Variants in GABBR2 observed in about 807,000 individuals in gnomAD.
GABBR2 encodes G-protein coupled receptor 51.
GABBR2 carries 23 observed loss-of-function variants against 105.6 expected under a neutral mutation model. That is an observed-to-expected ratio of 0.22 (90% CI 0.16 to 0.31). GABBR2 has a LOEUF of 0.31. GABBR2 is among the 10% of genes least tolerant of loss of function. The probability of loss-of-function intolerance (pLI) is 1.00; values close to 1 mark genes in which losing one functional copy is unlikely to be tolerated. For synonymous variants in GABBR2, 478 were observed against 499.7 expected (o/e 0.96, Z 0.58); for missense variants, 734 against 1,245.5 (o/e 0.59, Z 6.18).
At chr9:98,647,940 T>C (rs1363400625) in intron 1 of GABBR2, among the ~76,000 whole-genome samples, 1 of 151,066 alleles carries the variant, frequency 6.6e-6, no homozygotes, top group African/African-American at 2.4e-5. Context: ...GAAATGGTCA[T>C]TATTTGTTAA....
intron 2 of GABBR2, among the ~76,000 whole-genome samples, chr9:98,564,076 G>A (rs1276136002): frequency 6.6e-6 from 1 of 152,202 alleles, no homozygotes; most frequent in African/African-American, 2.4e-5. Context: ...AAAGTGCTAT[G>A]TATGCATGTG....
intron 12 of GABBR2, among the ~76,000 whole-genome samples, chr9:98,365,737 A>G (rs1046836976): frequency 6.6e-6 from 1 of 152,230 alleles, no homozygotes; most frequent in Admixed American, 6.5e-5. Context: ...TGAAAATTAT[A>G]CAAGTACACC....
chr9:98,560,086 G>T (rs2131759693), intron 2 of GABBR2, among the ~76,000 whole-genome samples: 1 of 151,936 alleles, frequency 6.6e-6, no homozygotes, highest in South Asian at 2.1e-4. Flanking sequence ...TATAAGGATG[G>T]CATGGAACAG....
rs1032584273 is a variant in GABBR2 at position 98,478,717 on chromosome 9, G to A, written c.798+2215C>T. On this transcript the variant is annotated intron_variant, in intron 5 of 18. Transcript: ENST00000259455. ...GCCACTTGGAAACTCACCCCAGTGC[G>A]TGGCAGAGTGAGATCACAGTCACAC... Among the ~76,000 whole-genome samples the A allele has an allele frequency of 3.3e-5, 5 of 152,236 alleles. No homozygotes were observed. The South Asian group carries it at 6.2e-4, about 19-fold the overall frequency.
chr9:98,429,003 T>C (rs1211561210), intron 7 of GABBR2, among the ~76,000 whole-genome samples: 4 of 152,154 alleles, frequency 2.6e-5, no homozygotes, highest in Non-Finnish European at 1.5e-5. Flanking sequence ...TCTGGGTAGG[T>C]TGGCAAAGAC....
intron 1 of GABBR2, among the ~76,000 whole-genome samples, chr9:98,650,874 G>A (rs190180476): frequency 7.2e-5 from 11 of 152,252 alleles, no homozygotes; most frequent in Admixed American, 3.3e-4. Flanking sequence ...ATTCAAATTC[G>A]TAGGGACAGG....
intron 3 of GABBR2, chr9:98,516,226 AAAG>A (rs1216541605): frequency 6.6e-6 from 1 of 152,312 alleles, no homozygotes; most frequent in African/African-American, 2.4e-5. Context: ...AATGGTAATA[AAAG>A]AAGGAGACAA....
chr9:98,591,496 G>A (rs544926692), intron 1 of GABBR2, among the ~76,000 whole-genome samples: 1 of 152,328 alleles, frequency 6.6e-6, no homozygotes, highest in South Asian at 2.1e-4. Context: ...AGATGCCTCT[G>A]GCAGCTGGGG....
intron 5 of GABBR2, among the ~76,000 whole-genome samples, chr9:98,475,986 C>T (rs1826785751): frequency 6.6e-6 from 1 of 152,116 alleles, no homozygotes. Flanking sequence ...ATTGCTTGAA[C>T]CTGGGAGGCA....
At chr9:98,616,664 G>T (rs947485524) in intron 1 of GABBR2, among the ~76,000 whole-genome samples, 1 of 151,556 alleles carries the variant, frequency 6.6e-6, no homozygotes, top group Admixed American at 6.6e-5. Context: ...TGAGGCAGGA[G>T]AATCGCTTGA....
chr9:98,377,184 G>C (rs1410801051), intron 11 of GABBR2, among the ~76,000 whole-genome samples: 1 of 146,322 alleles, frequency 6.8e-6, no homozygotes, highest in Non-Finnish European at 1.5e-5. Context: ...GGAGGTTGGG[G>C]AGCTTTTTGG....
chr9:98,612,003 AC>A (rs1564130600), intron 1 of GABBR2, among the ~76,000 whole-genome samples: 1 of 152,206 alleles, frequency 6.6e-6, no homozygotes, highest in South Asian at 2.1e-4. Flanking sequence ...GTCTATCCAA[AC>A]CCATCTTTGA....
chr9:98,292,364 T>C (rs1394384329), intron 18 of GABBR2, among the ~76,000 whole-genome samples: 1 of 152,226 alleles, frequency 6.6e-6, no homozygotes, highest in Non-Finnish European at 1.5e-5. Context: ...CTGGAATTCT[T>C]GCTGCTTCTG....
chr9:98,500,372 G>C (rs1161179657), intron 3 of GABBR2, among the ~76,000 whole-genome samples: 1 of 152,198 alleles, frequency 6.6e-6, no homozygotes, highest in East Asian at 1.9e-4. Context: ...GGAGAGATGG[G>C]TAATGATGGG....
intron 9 of GABBR2, among the ~76,000 whole-genome samples, chr9:98,391,159 T>C (rs1003374389): frequency 2.6e-5 from 4 of 152,074 alleles, no homozygotes; most frequent in Non-Finnish European, 5.9e-5. Flanking sequence ...GATACAAAGA[T>C]GAAAAATACA....
intron 1 of GABBR2, among the ~76,000 whole-genome samples, chr9:98,675,329 C>G (rs539929695): frequency 2.4e-4 from 36 of 152,104 alleles, no homozygotes; most frequent in Admixed American, 5.2e-4. Flanking sequence ...AGGTGAACGG[C>G]TGTGGCAGGT....
chr9:98,300,441 GGCCC>G (rs1446773655), intron 16 of GABBR2, among the ~76,000 whole-genome samples: 1 of 152,148 alleles, frequency 6.6e-6, no homozygotes, highest in Non-Finnish European at 1.5e-5. Context: ...CACAGCACCT[GGCCC>G]ATTCCCAGGT....
At position 98,385,834 on chromosome 9, in the gene GABBR2, G is replaced by A. The variant is rs745958786; in HGVS notation, c.1530-62C>T. 8 of 1,381,612 alleles carry A rather than the reference G, an allele frequency of 5.8e-6. No individual in the cohort carries two copies. The East Asian group carries it at 6.9e-5, about 12-fold the overall frequency. The allele number at this position is 1,381,612 out of a possible 1,614,324, so 85.6% of individuals were successfully genotyped here. A position where few individuals can be genotyped will look rare whatever the true frequency, so the allele number is the denominator to read the frequency against. On this transcript the variant is annotated intron_variant, in intron 10 of 18. Transcript: ENST00000259455. ...GTTAATTTAGTTATTCCTTCAACAG[G>A]TATTTTCTAAACGCCTGCTAGATAT...
chr9:98,691,265 T>C (rs1830678127), intron 1 of GABBR2, among the ~76,000 whole-genome samples: 1 of 152,140 alleles, frequency 6.6e-6, no homozygotes, highest in Non-Finnish European at 1.5e-5. Flanking sequence ...GAATACATAC[T>C]CTCATCCTAG....
Sources: gnomAD v4.1 joint callset for allele counts (sites outside exome capture counted in the v4.1 genomes callset) on GRCh38, gnomAD v4.1.1 for gene constraint, MANE v1.5 for transcripts, NCBI Gene and HGNC (gene_info 2026-07-23, HGNC 2026-07-21) for gene names.